The following PCDH15 variants were observed in gnomAD, a reference collection of about 807,000 sequenced individuals.
PCDH15 encodes protocadherin-15.
PCDH15 carries 129 observed loss-of-function variants against 178.5 expected under a neutral mutation model. That is an observed-to-expected ratio of 0.72 (90% CI 0.63 to 0.84). The LOEUF (loss-of-function observed/expected upper bound fraction) is 0.84. Among genes scored for constraint, PCDH15 ranks in the 40% least tolerant of loss-of-function variants. The pLI is 0.00. For missense variants in PCDH15, 2,230 were observed against 2,099.9 expected, an observed-to-expected ratio of 1.06 and a Z score of -1.21; for synonymous variants, 800 against 732.0, an observed-to-expected ratio of 1.09 and a Z score of -1.50.
rs565377980 is a variant in PCDH15 at position 53,997,205 on chromosome 10, A to C, written c.2752-1440T>G. Among the ~76,000 whole-genome samples, 26 of 152,290 alleles carry C rather than the reference A, an allele frequency of 1.7e-4. No individual in the cohort carries two copies. In the East Asian group the frequency reaches 2.1e-3, roughly 12 times the overall value. On this transcript the variant is annotated intron_variant, in intron 20 of 37. Coordinates refer to ENST00000644397, the MANE Select transcript of PCDH15 (RefSeq NM_001384140.1). ...CAGTATTCACCATCTCTTCTATGAA[A>C]AATATTTTTACAATAAATTATGGAC...
rs143177941 is a variant in PCDH15 at position 55,035,711 on chromosome 10, A to G, written c.-80+130865T>C. Among the ~76,000 whole-genome samples the G allele has an allele frequency of 5.6e-3, 846 of 152,334 alleles. 6 individuals are homozygous for G. The highest frequency in any genetic ancestry group is 0.019 in the African/African-American group (794 of 41,572). ...ATGAGGTATGGATAATTATGCAAAC[A>G]GCCAAAGACATTACTTAAATTTTGG... On this transcript the variant is annotated intron_variant, in intron 2 of 5. Transcript: ENST00000458638.
chr10:55,028,174 C>A (rs1840523282), intron 2 of PCDH15, among the ~76,000 whole-genome samples: 1 of 151,720 alleles, frequency 6.6e-6, no homozygotes, highest in African/African-American at 2.4e-5. Flanking sequence ...TTATTTTTCT[C>A]ATTTTATAGA....
At chr10:55,417,462 C>T (rs535285944) in intron 2 of PCDH15, among the ~76,000 whole-genome samples, 14 of 151,754 alleles carry the variant, frequency 9.2e-5, no homozygotes, top group Admixed American at 2.6e-4. Context: ...TAATTGCTAT[C>T]TCCCCTTTTA....
intron 2 of PCDH15, among the ~76,000 whole-genome samples, chr10:55,430,006 C>T (rs10825509): frequency 0.21 from 31,886 of 151,886 alleles, 4,448 homozygotes; most frequent in Non-Finnish European, 0.31. Context: ...TCTTGGCATA[C>T]TTTTAAATGA....
At chr10:55,090,048 A>T (rs1591894938) in intron 2 of PCDH15, among the ~76,000 whole-genome samples, 1 of 152,122 alleles carries the variant, frequency 6.6e-6, no homozygotes, top group East Asian at 1.9e-4. Context: ...TAGTTAAAAG[A>T]TTAAAAATAT....
At chr10:53,819,236 C>A (rs1308489715) in intron 33 of PCDH15, among the ~76,000 whole-genome samples, 4 of 151,888 alleles carry the variant, frequency 2.6e-5, no homozygotes, top group Non-Finnish European at 4.4e-5. Flanking sequence ...AATATCCAAC[C>A]AAAGCCAGGC....
intron 20 of PCDH15, among the ~76,000 whole-genome samples, chr10:54,015,810 C>T (rs1388316343): frequency 1.3e-5 from 2 of 152,022 alleles, no homozygotes; most frequent in Admixed American, 1.3e-4. Flanking sequence ...AAGATAACCT[C>T]GGAAATATCA....
intron 2 of PCDH15, among the ~76,000 whole-genome samples, chr10:55,332,699 A>C (rs1185102397): frequency 6.6e-6 from 1 of 152,094 alleles, no homozygotes; most frequent in Non-Finnish European, 1.5e-5. Context: ...TTACCCCACA[A>C]TGTTCTCATA....
At chr10:54,819,285 A>G (rs1449023062) in intron 3 of PCDH15, among the ~76,000 whole-genome samples, 1 of 152,102 alleles carries the variant, frequency 6.6e-6, no homozygotes, top group African/African-American at 2.4e-5. Flanking sequence ...AATAATATTT[A>G]ATTAGTGTAT....
intron 2 of PCDH15, among the ~76,000 whole-genome samples, chr10:55,158,889 AG>A (rs1214839657): frequency 1.3e-4 from 19 of 151,166 alleles, no homozygotes; most frequent in African/African-American, 4.6e-4. Context: ...GGGAGAAGAG[AG>A]AGAGAGAGAA....
At chr10:54,177,727 G>C (rs1049179716) in intron 13 of PCDH15, among the ~76,000 whole-genome samples, 4 of 152,168 alleles carry the variant, frequency 2.6e-5, no homozygotes, top group Non-Finnish European at 4.4e-5. Flanking sequence ...TGCCTATCCT[G>C]CTGCCTGTGG....
At chr10:54,062,480 A>G (rs1477090723) in intron 18 of PCDH15, among the ~76,000 whole-genome samples, 1 of 152,078 alleles carries the variant, frequency 6.6e-6, no homozygotes, top group East Asian at 1.9e-4. Flanking sequence ...TGATATAATT[A>G]TCATTAGGTA....
intron 2 of PCDH15, among the ~76,000 whole-genome samples, chr10:54,900,359 CTT>C (rs1954619065): frequency 6.6e-6 from 1 of 152,020 alleles, no homozygotes; most frequent in African/African-American, 2.4e-5. Flanking sequence ...GTGGCTGAAA[CTT>C]ATAATATTTA....
intron 2 of PCDH15, among the ~76,000 whole-genome samples, chr10:55,162,916 C>T (rs1305122918): frequency 6.6e-6 from 1 of 152,100 alleles, no homozygotes; most frequent in Non-Finnish European, 1.5e-5. Context: ...GCTGCAACTT[C>T]TCTAATTATT....
intron 15 of PCDH15, among the ~76,000 whole-genome samples, chr10:54,120,861 T>C (rs1435032741): frequency 1.3e-5 from 2 of 152,122 alleles, no homozygotes; most frequent in African/African-American, 4.8e-5. Context: ...AAGACCCCAC[T>C]GACAGCATTA....
chr10:54,480,793 T>C (rs777378413), intron 3 of PCDH15, among the ~76,000 whole-genome samples: 6 of 152,006 alleles, frequency 3.9e-5, no homozygotes, highest in Non-Finnish European at 8.8e-5. Context: ...GAAAATCAAA[T>C]TAAAATGGAA....
At chr10:54,369,707 C>T (rs1162110593) in intron 4 of PCDH15, among the ~76,000 whole-genome samples, 1 of 151,828 alleles carries the variant, frequency 6.6e-6, no homozygotes, top group Non-Finnish European at 1.5e-5. Flanking sequence ...ATGTTCATTG[C>T]TGATCAAATT....
intron 25 of PCDH15, among the ~76,000 whole-genome samples, chr10:53,929,657 G>T (rs1230591014): frequency 6.6e-6 from 1 of 152,084 alleles, no homozygotes; most frequent in African/African-American, 2.4e-5. Context: ...AACCACAAAA[G>T]TCAGAAGAAT....
intron 13 of PCDH15, among the ~76,000 whole-genome samples, chr10:54,179,113 A>G (rs1240729338): frequency 1.3e-5 from 2 of 151,752 alleles, no homozygotes; most frequent in East Asian, 1.9e-4. Flanking sequence ...AAAGACACAT[A>G]CACACGTATG....
Sources: allele counts gnomAD v4.1 joint callset (sites outside exome capture counted in the v4.1 genomes callset), GRCh38; gene constraint gnomAD v4.1.1; transcripts MANE v1.5; gene names NCBI Gene and HGNC (gene_info 2026-07-23, HGNC 2026-07-21).